The following EIF3A variants were observed in gnomAD, a reference collection of about 807,000 sequenced individuals.
EIF3A encodes the protein EIF3, p180 subunit.
In EIF3A, 21 loss-of-function variants were observed where a neutral mutation model predicts 186.6. The ratio of observed to expected loss-of-function variants is 0.11; its 90% CI spans 0.08 to 0.16. The LOEUF is 0.16. EIF3A is among the 10% of genes least tolerant of loss of function. The probability of loss-of-function intolerance (pLI) is 1.00; values close to 1 mark genes in which losing one functional copy is unlikely to be tolerated. For synonymous variants in EIF3A, 563 were observed against 584.3 expected, an observed-to-expected ratio of 0.96 and a Z score of 0.52; for missense variants, 1,306 against 1,796.3, an observed-to-expected ratio of 0.73 and a Z score of 4.93.
chr10:119,060,828 C>G lies in EIF3A; in HGVS notation c.1244G>C (p.Arg415Thr), dbSNP rs1286882153. 1.2e-6 allele frequency: 2 copies of G among 1,609,636 alleles called. No individual in the cohort carries two copies. The highest frequency in any genetic ancestry group is 2.2e-5 in the South Asian group (2 of 90,196). ...ERVTKVLNWV[R>T]EQPEKEPELQ... ...TTCCGGTTCCTTTTCAGGTTGTTCC[C>G]TAACCCAATTTAGAACCTATAAAAT... The change falls in exon 9 of 22, where the codon AGG becomes ACG. Residue 415 changes from arginine to threonine, a missense_variant. Coordinates refer to ENST00000369144, the MANE Select transcript of EIF3A (RefSeq NM_003750.4).
intron 6 of EIF3A, among the ~76,000 whole-genome samples, chr10:119,066,226 T>C (rs1235953076): frequency 6.6e-6 from 1 of 151,630 alleles, no homozygotes; most frequent in East Asian, 1.9e-4. Context: ...ACTAAGGAAA[T>C]GGCTAGGCGC....
At chr10:119,055,145 G>A (rs1199578402) in intron 14 of EIF3A, among the ~76,000 whole-genome samples, 1 of 152,174 alleles carries the variant, frequency 6.6e-6, no homozygotes, top group African/African-American at 2.4e-5. Context: ...CGGGGGCAGA[G>A]GTTGCAGTGT....
Position 119,035,166 on chromosome 10 carries a change from C to T in EIF3A, c.*873G>A, listed in dbSNP as rs1848111243. The T allele has an allele frequency of 1.3e-5, 2 of 152,238 alleles. No individual in the cohort carries two copies. The highest frequency in any genetic ancestry group is 3.9e-4 in the East Asian group (2 of 5,158). 9.4% of individuals were successfully genotyped at this position (152,238 alleles called of 1,614,324 possible). A position where few individuals can be genotyped will look rare whatever the true frequency, so the allele number is the denominator to read the frequency against. ...CTGCGCTCCAAAATTGAAGTCAACA[C>T]AGTCATTACTACAAATTACTTGTTG... On this transcript the variant is annotated 3_prime_UTR_variant, in exon 22 of 22. Coordinates refer to ENST00000369144, the MANE Select transcript of EIF3A (RefSeq NM_003750.4).
At chr10:119,074,376 A>G (rs2119820505) in intron 1 of EIF3A, among the ~76,000 whole-genome samples, 1 of 152,244 alleles carries the variant, frequency 6.6e-6, no homozygotes, top group Middle Eastern at 3.4e-3. Flanking sequence ...GAGGCAGGAG[A>G]ATCACTTGAA....
At chr10:119,072,455 T>A (rs1347794775) in intron 4 of EIF3A, among the ~76,000 whole-genome samples, 1 of 151,918 alleles carries the variant, frequency 6.6e-6, no homozygotes, top group Non-Finnish European at 1.5e-5. Context: ...TTTGTTTTGT[T>A]TTGTTTTGTT....
Position 119,065,514 on chromosome 10 carries a change from G to T in EIF3A, c.1007C>A (p.Thr336Lys). The T allele has an allele frequency of 1.2e-6, 2 of 1,612,584 alleles. No individual in the cohort carries two copies. Among genetic ancestry groups the T allele is most frequent in the South Asian group, 2.2e-5 (2 of 91,038 alleles). ...CATATCCAGAAGTCGAGCAATATCC[G>T]TACGCTCAGGAGTAATAGGGATGGA... The part of the protein sequence containing the change: ...TLSIPITPER[T>K]DIARLLDMDG... The change falls in exon 7 of 22, where the codon ACG becomes AAG. Residue 336 changes from threonine (T) to lysine (K), a missense_variant. Transcript: ENST00000369144.
chr10:119,060,352 C>T (rs1843865665), intron 9 of EIF3A, among the ~76,000 whole-genome samples: 1 of 152,016 alleles, frequency 6.6e-6, no homozygotes, highest in South Asian at 2.1e-4. Context: ...ACTTCTTATG[C>T]CACAGAAAGT....
chr10:119,056,328 G>T (rs912791486), intron 14 of EIF3A, among the ~76,000 whole-genome samples: 1 of 152,128 alleles, frequency 6.6e-6, no homozygotes, highest in Admixed American at 6.5e-5. Flanking sequence ...GTAGTTTAGC[G>T]GTTGCCTAGG....
At chr10:119,080,197 T>C (rs1032698936) in intron 1 of EIF3A, among the ~76,000 whole-genome samples, 4 of 152,042 alleles carry the variant, frequency 2.6e-5, no homozygotes, top group African/African-American at 4.8e-5. Context: ...GGCTCTCGCG[T>C]GCATTGTCCC....
intron 19 of EIF3A, among the ~76,000 whole-genome samples, chr10:119,041,348 G>A (rs1012380004): frequency 6.6e-6 from 1 of 152,152 alleles, no homozygotes; most frequent in African/African-American, 2.4e-5. Context: ...AGAGGCAGAA[G>A]GATAACTTGG....
intron 14 of EIF3A, among the ~76,000 whole-genome samples, chr10:119,052,368 T>TGTGTGTGTGTGTGTGTGTGTG (rs1848367766): frequency 4.9e-5 from 6 of 122,972 alleles, no homozygotes; most frequent in East Asian, 2.4e-4. Flanking sequence ...TTTTTTGGTT[T>TGTGTGTGTGTGTGTGTGTGTG]TGTGTGTGTG....
intron 1 of EIF3A, among the ~76,000 whole-genome samples, chr10:119,074,624 T>A (rs1176019544): frequency 6.6e-6 from 1 of 151,970 alleles, no homozygotes; most frequent in Non-Finnish European, 1.5e-5. Flanking sequence ...AATTCTTTTT[T>A]TTTTTAAATA....
chr10:119,055,374 T>A (rs1848411434), intron 14 of EIF3A, among the ~76,000 whole-genome samples: 1 of 152,198 alleles, frequency 6.6e-6, no homozygotes, highest in African/African-American at 2.4e-5. Context: ...CACCCCAAAA[T>A]AATTACAACA....
Position 119,069,571 on chromosome 10 carries a change from G to A in EIF3A, c.825C>T (p.Tyr275=), listed in dbSNP as rs368315165. The change falls in exon 6 of 22, where the codon TAC becomes TAT. Residue 275 remains tyrosine, a synonymous_variant. Transcript: ENST00000369144. ...KPPKPQLMAN[Y]YNKVSTVFWK... is the part of the protein sequence containing the mutation. ...AAAACACAGTTGAGACTTTGTTATA[G>A]TAATTTGCCATCAACTGAGGTTTAG... 6.3e-7 allele frequency: 1 copy of A among 1,593,202 alleles called. No homozygotes were observed. Among genetic ancestry groups the A allele is most frequent in the African/African-American group, 1.3e-5 (1 of 74,442 alleles).
rs746859660 is a variant in EIF3A, at chr10:119,042,618, G to A, written c.2902C>T (p.Pro968Ser). 2 of 1,614,046 alleles carry A rather than the reference G, an allele frequency of 1.2e-6. No homozygotes were observed. Among genetic ancestry groups the A allele is most frequent in the Non-Finnish European group, 1.7e-6 (2 of 1,180,006 alleles). ...CTATCTTCCTCAGGACCACGTCTAG[G>A]GCCTCTGTCATCATCCATGCCACGC... ...PRRGMDDDRG[P>S]RRGPEEDRFS... Residue 968 changes from proline to serine, a missense_variant, in exon 19 of 22, where the codon CCT becomes TCT. Transcript: ENST00000369144. The surrounding 1 kb of genome is among the most constrained non-coding windows in gnomAD (Gnocchi z 7.8).
At position 119,034,129 on chromosome 10, in the gene EIF3A, T is replaced by C. The variant is rs990526996; in HGVS notation, c.*1910A>G. The C allele has an allele frequency of 6.0e-6, 1 of 167,236 alleles. No homozygotes were observed. 10.4% of individuals were successfully genotyped at this position (167,236 alleles called of 1,614,324 possible). ...TTGTTCAGCTTTCCTTTAACACCTG[T>C]TGGTAAATACTAATGGGAGTAGACA... On this transcript the variant is annotated 3_prime_UTR_variant, in exon 22 of 22. Transcript: ENST00000369144.
chr10:119,055,529 A>C (rs1392906905), intron 14 of EIF3A, among the ~76,000 whole-genome samples: 1 of 152,176 alleles, frequency 6.6e-6, no homozygotes, highest in African/African-American at 2.4e-5. Context: ...ATGCAAGGTT[A>C]CCACAAACTT....
At chr10:119,038,962 T>C (rs1157622578) in intron 19 of EIF3A, among the ~76,000 whole-genome samples, 1 of 152,074 alleles carries the variant, frequency 6.6e-6, no homozygotes, top group South Asian at 2.1e-4. Context: ...ACCAAAAACC[T>C]TAAATGATCT....
rs61029991 is a variant in EIF3A, at chr10:119,052,368, T to TTGTG, written c.2197-1051_2197-1048dup. Among the ~76,000 whole-genome samples the TTGTG allele has an allele frequency of 9.0e-3, 1,103 of 122,688 alleles. 32 individuals are homozygous for TTGTG. Among genetic ancestry groups the TTGTG allele is most frequent in the South Asian group, 0.015 (57 of 3,764 alleles). 80.5% of individuals were successfully genotyped at this position (122,688 alleles called of 152,430 possible). ...CTTCAGGTTATAGTCTTTTTTGGTTTTGTGTGTGTGTGTGTGTGTGTGTGT... is the reference window on the plus strand; with the variant it reads ...CTTCAGGTTATAGTCTTTTTTGGTTTTGTGTGTGTGTGTGTGTGTGTGTGTGTGT... On this transcript the variant is annotated intron_variant, in intron 14 of 21. Transcript: ENST00000369144.
Sources: allele counts gnomAD v4.1 joint callset (sites outside exome capture counted in the v4.1 genomes callset), GRCh38; gene constraint gnomAD v4.1.1; non-coding constraint Gnocchi (gnomAD v3.1); transcripts MANE v1.5; gene names NCBI Gene and HGNC (gene_info 2026-07-23, HGNC 2026-07-21).